ASCC3: variants seen among roughly 807,000 people sequenced by gnomAD.
The protein encoded by ASCC3 is activating signal cointegrator 1 complex subunit 3.
Under a neutral mutation model 256.3 loss-of-function variants are expected in ASCC3, and 158 were observed. That is an observed-to-expected ratio of 0.62 (90% CI 0.54 to 0.70). ASCC3 has a LOEUF of 0.70. Among genes scored for constraint, ASCC3 ranks in the 30% least tolerant of loss-of-function variants. The pLI is 0.00. For synonymous variants in ASCC3, 948 were observed against 883.4 expected (o/e 1.07, Z -1.30); for missense variants, 2,259 against 2,626.0 (o/e 0.86, Z 3.05).
intron 36 of ASCC3, among the ~76,000 whole-genome samples, chr6:100,560,201 A>T (rs2114702707): frequency 6.6e-6 from 1 of 152,284 alleles, no homozygotes; most frequent in Non-Finnish European, 1.5e-5. Flanking sequence ...TGAAGTTATT[A>T]ACTCATAAAA....
intron 4 of ASCC3, among the ~76,000 whole-genome samples, chr6:100,845,468 T>C (rs1772339674): frequency 6.6e-6 from 1 of 152,146 alleles, no homozygotes; most frequent in African/African-American, 2.4e-5. Flanking sequence ...AAAATTTTAA[T>C]CACATATGGG....
chr6:100,562,886 A>G (rs1439459101), intron 36 of ASCC3, among the ~76,000 whole-genome samples: 1 of 152,110 alleles, frequency 6.6e-6, no homozygotes, highest in Non-Finnish European at 1.5e-5. Context: ...CCCAACTTAC[A>G]GTGTTCTCAT....
chr6:100,805,757 T>TA lies in ASCC3; in HGVS notation c.922+2dup. On this transcript the variant is annotated splice_region_variant and intron_variant, in intron 5 of 41. Coordinates refer to ENST00000369162, the MANE Select transcript of ASCC3 (RefSeq NM_006828.4). The stretch of plus-strand genomic sequence containing the variant: ...TTACAATGACCACTGCATACTTTCT[T>TA]ACCTTGAAGAGCCTGAAACCTATGA... The TA allele has an allele frequency of 6.2e-7, 1 of 1,610,244 alleles. No homozygotes were observed. Among genetic ancestry groups the TA allele is most frequent in the Non-Finnish European group, 8.5e-7 (1 of 1,178,208 alleles).
chr6:100,878,559 C>G (rs1769105743), intron 1 of ASCC3, among the ~76,000 whole-genome samples: 1 of 152,076 alleles, frequency 6.6e-6, no homozygotes, highest in South Asian at 2.1e-4. Flanking sequence ...GAAACGAGCA[C>G]AAGAAAACGT....
At chr6:100,786,406 T>C (rs1478244622) in intron 8 of ASCC3, among the ~76,000 whole-genome samples, 1 of 152,188 alleles carries the variant, frequency 6.6e-6, no homozygotes, top group Admixed American at 6.6e-5. Flanking sequence ...AATGGCATTC[T>C]TGCACTATTT....
At chr6:100,602,324 ATTAAG>A (rs939860336) in intron 33 of ASCC3, among the ~76,000 whole-genome samples, 7 of 152,046 alleles carry the variant, frequency 4.6e-5, no homozygotes, top group African/African-American at 7.2e-5. Flanking sequence ...ATTTTTCCAG[ATTAAG>A]TTAACAGTAG....
intron 11 of ASCC3, among the ~76,000 whole-genome samples, chr6:100,724,863 T>A (rs1779552076): frequency 4.6e-5 from 7 of 152,058 alleles, no homozygotes; most frequent in Admixed American, 4.6e-4. Flanking sequence ...AGTTACAGGG[T>A]AATCCCAAGG....
intron 4 of ASCC3, among the ~76,000 whole-genome samples, chr6:100,823,589 T>C (rs982090514): frequency 3.9e-5 from 6 of 152,190 alleles, no homozygotes; most frequent in Non-Finnish European, 7.4e-5. Flanking sequence ...TCTTATCCAA[T>C]AGACAAAGGT....
At chr6:100,606,930 T>G (rs1230791509) in intron 31 of ASCC3, 21 bp downstream of exon 31, 2 of 1,612,870 alleles carry the variant, frequency 1.2e-6, no homozygotes, top group Admixed American at 1.7e-5. Context: ...AAATATGTGT[T>G]CACTGGAGAA....
At chr6:100,600,917 A>T (rs1348872801) in intron 34 of ASCC3, among the ~76,000 whole-genome samples, 1 of 152,130 alleles carries the variant, frequency 6.6e-6, no homozygotes, top group African/African-American at 2.4e-5. Context: ...CTAGGATCAG[A>T]TGCAAACTAC....
At chr6:100,626,888 A>G (rs940766561) in intron 29 of ASCC3, among the ~76,000 whole-genome samples, 2 of 152,108 alleles carry the variant, frequency 1.3e-5, no homozygotes, top group African/African-American at 4.8e-5. Context: ...TTTATTGTTC[A>G]TTAGTGATTT....
chr6:100,663,871 A>G (rs906085900), intron 14 of ASCC3, among the ~76,000 whole-genome samples: 1 of 152,076 alleles, frequency 6.6e-6, no homozygotes, highest in African/African-American at 2.4e-5. Context: ...ATTGACACCA[A>G]TCAAGTTAGT....
At chr6:100,712,097 A>G (rs1778878835) in intron 13 of ASCC3, among the ~76,000 whole-genome samples, 1 of 152,230 alleles carries the variant, frequency 6.6e-6, no homozygotes, top group African/African-American at 2.4e-5. Context: ...CGCAGACCTC[A>G]TATCTTTTAC....
intron 36 of ASCC3, among the ~76,000 whole-genome samples, chr6:100,552,923 T>C (rs1327189433): frequency 3.3e-5 from 5 of 152,058 alleles, no homozygotes; most frequent in Admixed American, 6.6e-5. Flanking sequence ...ATTTTGATTA[T>C]GGACTTGAAA....
At chr6:100,569,536 A>G (rs1294071039) in intron 36 of ASCC3, among the ~76,000 whole-genome samples, 2 of 151,546 alleles carry the variant, frequency 1.3e-5, no homozygotes, top group South Asian at 2.1e-4. Context: ...GACCCCACCA[A>G]CATGCCAGGC....
intron 33 of ASCC3, among the ~76,000 whole-genome samples, chr6:100,603,390 G>A (rs1429977394): frequency 1.3e-5 from 2 of 151,998 alleles, no homozygotes; most frequent in Non-Finnish European, 2.9e-5. Flanking sequence ...AAGCCCTCCT[G>A]TTGTGCTTTT....
intron 4 of ASCC3, among the ~76,000 whole-genome samples, chr6:100,827,155 C>T (rs1301857591): frequency 6.6e-6 from 1 of 152,162 alleles, no homozygotes; most frequent in African/African-American, 2.4e-5. Flanking sequence ...ATACTTACTA[C>T]CAATTAGTTT....
At chr6:100,695,115 G>T (rs776238061) in intron 13 of ASCC3, among the ~76,000 whole-genome samples, 6 of 152,130 alleles carry the variant, frequency 3.9e-5, no homozygotes, top group Admixed American at 6.5e-5. Context: ...AAGCCAATAG[G>T]GCTTAATCAT....
chr6:100,550,235 T>A (rs1769221090), intron 36 of ASCC3, among the ~76,000 whole-genome samples: 1 of 151,896 alleles, frequency 6.6e-6, no homozygotes, highest in Admixed American at 6.6e-5. Flanking sequence ...TTCTGATCCT[T>A]TATCAGAAGA....
Sources: gnomAD v4.1 joint callset for allele counts (sites outside exome capture counted in the v4.1 genomes callset) on GRCh38, gnomAD v4.1.1 for gene constraint, MANE v1.5 for transcripts, NCBI Gene and HGNC (gene_info 2026-07-23, HGNC 2026-07-21) for gene names.